The following BTBD3 variants were observed in gnomAD, a reference collection of about 807,000 sequenced individuals.
BTBD3 encodes BTB/POZ domain-containing protein 3.
A neutral mutation model predicts 41.6 loss-of-function variants in BTBD3; 14 were observed. That is an observed-to-expected ratio of 0.34 (90% CI 0.22 to 0.53). The LOEUF (loss-of-function observed/expected upper bound fraction) is 0.53, where lower values mean the gene tolerates loss of function less well. Among genes scored for constraint, BTBD3 ranks in the 20% least tolerant of loss-of-function variants. The pLI is 0.95. For synonymous variants in BTBD3, 249 were observed against 233.7 expected, an observed-to-expected ratio of 1.07 and a Z score of -0.60; for missense variants, 426 against 654.7, an observed-to-expected ratio of 0.65 and a Z score of 3.81.
intron 1 of BTBD3, among the ~76,000 whole-genome samples, chr20:11,906,215 T>C (rs543389769): frequency 6.7e-6 from 1 of 149,308 alleles, no homozygotes; most frequent in South Asian, 2.1e-4. Flanking sequence ...AAATAAGTTA[T>C]TCCACTACTG....
chr20:11,919,575 T>G, intron 2 of BTBD3, 143 bp from the exon 3 acceptor site: 1 of 1,128,336 alleles, frequency 8.9e-7, no homozygotes, highest in East Asian at 2.5e-5. Flanking sequence ...CAAGCTACCC[T>G]GTGTACCTTG....
intron 1 of BTBD3, chr20:11,918,842 T>C: frequency 1.8e-6 from 1 of 571,292 alleles, no homozygotes; most frequent in Non-Finnish European, 3.0e-6. Context: ...CCATAGAAAA[T>C]GGGAACCTTT....
chr20:11,897,303 G>A (rs1167901185), intron 1 of BTBD3, among the ~76,000 whole-genome samples: 5 of 151,950 alleles, frequency 3.3e-5, no homozygotes, highest in South Asian at 2.1e-4. Flanking sequence ...TGTGAAAGAC[G>A]CTTCAGCCTA....
intron 1 of BTBD3, chr20:11,890,968 C>T (rs2056747517): frequency 4.1e-6 from 4 of 982,848 alleles, no homozygotes; most frequent in Non-Finnish European, 4.8e-6. Context: ...AGTGAGGGCG[C>T]CGCGGGCGAG....
chr20:11,923,109 G>A lies in BTBD3; in HGVS notation c.1012G>A (p.Gly338Arg), dbSNP rs1170778187. The A allele has an allele frequency of 1.9e-6, 3 of 1,614,034 alleles. No individual in the cohort carries two copies. The highest frequency in any genetic ancestry group is 1.3e-5 in the African/African-American group (1 of 75,044). Residue 338 changes from glycine to arginine, a missense_variant, in exon 4 of 4, where the codon GGG becomes AGG. Physicochemically the swap from Gly to Arg is moderately radical, Grantham distance 125. Transcript: ENST00000378226. The surrounding 1 kb of genome is among the most constrained non-coding windows in gnomAD (Gnocchi z 5.3). Reference protein sequence around the residue: ...DDFANGAAQSGVLTLNETNDI... With the variant: ...DDFANGAAQSRVLTLNETNDI... ...TTTTGCAAATGGTGCTGCACAGTCC[G>A]GGGTATTAACTCTCAATGAGACCAA... is the stretch of plus-strand genomic sequence containing the variant.
chr20:11,905,842 A>G (rs1385229847), intron 1 of BTBD3, among the ~76,000 whole-genome samples: 1 of 152,122 alleles, frequency 6.6e-6, no homozygotes, highest in African/African-American at 2.4e-5. Context: ...CTGCATCACC[A>G]CTAGCAGATG....
At chr20:11,890,992 C>G in intron 1 of BTBD3, 1 of 981,174 alleles carries the variant, frequency 1.0e-6, no homozygotes, top group Non-Finnish European at 1.2e-6. Flanking sequence ...GTCGGCGCCT[C>G]CGCGCGTGCG....
chr20:11,917,900 A>C lies in BTBD3; in HGVS notation c.-376A>C, dbSNP rs2056929275. 2.0e-6 allele frequency: 2 copies of C among 1,011,048 alleles called. No homozygotes were observed. Among genetic ancestry groups the C allele is most frequent in the Non-Finnish European group, 2.4e-6 (2 of 845,088 alleles). 62.6% of individuals were successfully genotyped at this position (1,011,048 alleles called of 1,614,324 possible). On this transcript the variant is annotated 5_prime_UTR_variant, in exon 1 of 4. Coordinates refer to ENST00000378226, the MANE Select transcript of BTBD3 (RefSeq NM_014962.4). Reference sequence around the variant, plus strand: ...CTCTCCTCCGATCCATTCACCACACAACTTCAGCCGGCTGAACAGACTCAC... The same window carrying C: ...CTCTCCTCCGATCCATTCACCACACCACTTCAGCCGGCTGAACAGACTCAC...
chr20:11,899,578 T>C (rs2056811534), intron 1 of BTBD3, among the ~76,000 whole-genome samples: 1 of 152,106 alleles, frequency 6.6e-6, no homozygotes, highest in African/African-American at 2.4e-5. Flanking sequence ...GTATTTTATT[T>C]TTACTTCCAG....
At chr20:11,900,706 CTTTTTTTT>C (rs33976204) in intron 1 of BTBD3, among the ~76,000 whole-genome samples, 92 of 111,510 alleles carry the variant, frequency 8.3e-4, no homozygotes, top group African/African-American at 3.0e-3. Flanking sequence ...AGTCCACCTA[CTTTTTTTT>C]TTTTTTTTTT....
chr20:11,893,986 A>G (rs2056771530), intron 1 of BTBD3, among the ~76,000 whole-genome samples: 1 of 152,256 alleles, frequency 6.6e-6, no homozygotes, highest in South Asian at 2.1e-4. Flanking sequence ...TTATTGAACT[A>G]GTTTTCTGTT....
At chr20:11,901,988 A>G (rs991982378) in intron 1 of BTBD3, among the ~76,000 whole-genome samples, 3 of 152,112 alleles carry the variant, frequency 2.0e-5, no homozygotes, top group Non-Finnish European at 4.4e-5. Context: ...TAGCTCTAGT[A>G]AAAGACTAGA....
At chr20:11,911,352 A>C (rs4814040) in intron 1 of BTBD3, among the ~76,000 whole-genome samples, 111,131 of 152,108 alleles carry the variant, frequency 0.73, 41,105 homozygotes, top group Non-Finnish European at 0.78. Context: ...TTAAGTAAAT[A>C]ACTATTTCTG....
intron 1 of BTBD3, among the ~76,000 whole-genome samples, chr20:11,898,889 T>A (rs2056806879): frequency 6.6e-6 from 1 of 152,222 alleles, no homozygotes; most frequent in Non-Finnish European, 1.5e-5. Flanking sequence ...CAAAAAAGCC[T>A]GGCCAAGTGC....
In BTBD3 at chr20:11,918,602, G is replaced by A; in HGVS notation, c.326+1G>A. ...GTCTTTATCCCACCATTAGAGAGAG[G>A]TAAGTGCCGCGCTAGTCTATTTACT... is the stretch of plus-strand genomic sequence containing the variant. On this transcript the variant is annotated splice_donor_variant, in intron 1 of 3. Coordinates refer to ENST00000378226, the MANE Select transcript of BTBD3 (RefSeq NM_014962.4). LOFTEE classifies it high-confidence loss of function. 2.5e-6 allele frequency: 4 copies of A among 1,584,666 alleles called. No homozygotes were observed. The highest frequency in any genetic ancestry group is 3.4e-6 in the Non-Finnish European group (4 of 1,169,202).
In BTBD3 at chr20:11,919,849, C is replaced by A. The variant is rs772388000; in HGVS notation, c.536+13C>A. On this transcript the variant is annotated intron_variant, in intron 3 of 3. Transcript: ENST00000378226. ...TCGCTATGCTGAAGTAAGCATCATTCGTGTGTTTGGAAAGAGTTTGTTTAT... is the reference window on the plus strand; with the variant it reads ...TCGCTATGCTGAAGTAAGCATCATTAGTGTGTTTGGAAAGAGTTTGTTTAT... The A allele has an allele frequency of 2.5e-6, 4 of 1,603,562 alleles. No individual in the cohort carries two copies. The highest frequency in any genetic ancestry group is 1.7e-6 in the Non-Finnish European group (2 of 1,170,386).
intron 1 of BTBD3, 162 bp from the exon 2 acceptor site, chr20:11,918,924 C>T: frequency 1.7e-6 from 1 of 581,226 alleles, no homozygotes; most frequent in Non-Finnish European, 3.0e-6. Flanking sequence ...CTTATGTTTG[C>T]AATGATTATG....
chr20:11,914,348 A>G (rs1469028455), upstream of BTBD3, among the ~76,000 whole-genome samples: 2 of 152,190 alleles, frequency 1.3e-5, no homozygotes, highest in Admixed American at 6.5e-5. Flanking sequence ...GTATATTCAA[A>G]TCAATCTTAT....
chr20:11,914,202 G>A (rs534253316), upstream of BTBD3, among the ~76,000 whole-genome samples: 53 of 152,192 alleles, frequency 3.5e-4, no homozygotes, highest in African/African-American at 1.1e-3. Context: ...CAACCCAGTG[G>A]GTGATGTTTC....
Sources: gnomAD v4.1 joint callset for allele counts (sites outside exome capture counted in the v4.1 genomes callset) on GRCh38, gnomAD v4.1.1 for gene constraint, Gnocchi (gnomAD v3.1) non-coding constraint, MANE v1.5 for transcripts, NCBI Gene and HGNC (gene_info 2026-07-23, HGNC 2026-07-21) for gene names.